AGBL4: variants seen among roughly 807,000 people sequenced by gnomAD.
AGBL4 encodes the protein AGBL carboxypeptidase 4.
AGBL4 carries 58 observed loss-of-function variants against 66.4 expected under a neutral mutation model. The ratio of observed to expected loss-of-function variants is 0.87; its 90% CI spans 0.71 to 1.09. The LOEUF (loss-of-function observed/expected upper bound fraction) is 1.09. AGBL4 is among the 50% of genes least tolerant of loss of function. The probability of loss-of-function intolerance (pLI) is 0.00; values close to 1 mark genes in which losing one functional copy is unlikely to be tolerated. For synonymous variants in AGBL4, 234 were observed against 222.9 expected, an observed-to-expected ratio of 1.05 and a Z score of -0.44; for missense variants, 579 against 631.0, an observed-to-expected ratio of 0.92 and a Z score of 0.88.
Position 49,441,825 on chromosome 1 carries a change from C to A in AGBL4, c.283-195961G>T, listed in dbSNP as rs187603963. ...ATAGGATGACCTGTTCTGTGGACAC[C>A]ACTCAGCCTCTCTCCCCAGTCACCC... On this transcript the variant is annotated intron_variant, in intron 3 of 13. Transcript: ENST00000371839. Among the ~76,000 whole-genome samples, 64 of 152,248 alleles carry A rather than the reference C, an allele frequency of 4.2e-4. No homozygotes were observed. In the East Asian group the frequency reaches 0.012, roughly 28 times the overall value.
At chr1:49,369,960 C>T (rs542261942) in intron 3 of AGBL4, among the ~76,000 whole-genome samples, 1 of 151,368 alleles carries the variant, frequency 6.6e-6, no homozygotes, top group East Asian at 1.9e-4. Flanking sequence ...AAAATACCAC[C>T]CTCCTTGAGC....
chr1:49,011,523 A>T (rs1331558845), intron 5 of AGBL4, among the ~76,000 whole-genome samples: 1 of 152,198 alleles, frequency 6.6e-6, no homozygotes, highest in African/African-American at 2.4e-5. Flanking sequence ...CTGCCATCCC[A>T]TTACTGGGTA....
chr1:49,147,118 G>A (rs1189954011), intron 4 of AGBL4, among the ~76,000 whole-genome samples: 1 of 152,144 alleles, frequency 6.6e-6, no homozygotes, highest in Non-Finnish European at 1.5e-5. Flanking sequence ...AAGGTGGTGG[G>A]GTGGGGGAGG....
intron 8 of AGBL4, among the ~76,000 whole-genome samples, chr1:48,644,709 G>T (rs1645807999): frequency 6.6e-6 from 1 of 152,214 alleles, no homozygotes; most frequent in Non-Finnish European, 1.5e-5. Flanking sequence ...GAAGGGGCAA[G>T]GTGGACAGTT....
chr1:49,112,386 G>A (rs769762831), intron 4 of AGBL4, among the ~76,000 whole-genome samples: 1 of 152,230 alleles, frequency 6.6e-6, no homozygotes, highest in Non-Finnish European at 1.5e-5. Flanking sequence ...TTGCCTTCAT[G>A]TTCACGGCTA....
At position 48,626,191 on chromosome 1, in the gene AGBL4, T is replaced by C. The variant is rs376263094; in HGVS notation, c.951+8302A>G. Among the ~76,000 whole-genome samples the C allele has an allele frequency of 3.5e-4, 53 of 152,318 alleles. 1 individual carries two copies. The highest frequency in any genetic ancestry group is 1.1e-3 in the African/African-American group (47 of 41,574). On this transcript the variant is annotated intron_variant, in intron 9 of 13. Coordinates refer to ENST00000371839, the MANE Select transcript of AGBL4 (RefSeq NM_032785.4). The stretch of plus-strand genomic sequence containing the variant: ...CATGGTGCTGGTGTGGGTGCTTTAA[T>C]CTATCCCTCATGGCACCTCCAGCAG...
chr1:49,020,442 A>C (rs1663160239), intron 5 of AGBL4, among the ~76,000 whole-genome samples: 1 of 152,196 alleles, frequency 6.6e-6, no homozygotes. Flanking sequence ...CTAAAAGGAA[A>C]TAAGCAGAAA....
At position 49,802,862 on chromosome 1, in the gene AGBL4, T is replaced by A. The variant is rs576654252; in HGVS notation, c.157+48534A>T. On this transcript the variant is annotated intron_variant, in intron 2 of 13. Transcript: ENST00000371839. ...GGCTGCTGGCCAGATCCCACAATAA[T>A]CTTCTACCAATATGTCTGCTGATTT... Among the ~76,000 whole-genome samples the A allele has an allele frequency of 3.9e-5, 6 of 152,302 alleles. No individual in the cohort carries two copies. The East Asian group carries it at 1.2e-3, about 29-fold the overall frequency.
At position 48,535,372 on chromosome 1, in the gene AGBL4, G is replaced by A. The variant is rs372921342; in HGVS notation, c.1365-456C>T. Reference sequence around the variant, plus strand: ...CCTCCCCCATCCCCAGGCCTTTGTAGCACTTTGTACATTTCATCGCTCCTC... The same window carrying A: ...CCTCCCCCATCCCCAGGCCTTTGTAACACTTTGTACATTTCATCGCTCCTC... On this transcript the variant is annotated intron_variant, in intron 12 of 13. Transcript: ENST00000371839. 1.4e-4 allele frequency among the ~76,000 whole-genome samples: 21 copies of A among 152,222 alleles called. No individual in the cohort carries two copies. In the East Asian group the frequency reaches 1.5e-3, roughly 11 times the overall value.
chr1:48,601,038 T>C (rs774441967), intron 9 of AGBL4, among the ~76,000 whole-genome samples: 2 of 152,118 alleles, frequency 1.3e-5, no homozygotes, highest in Admixed American at 6.5e-5. Context: ...TAATAGACCT[T>C]CCCAGGGCAA....
chr1:48,961,549 A>G (rs1657977917), intron 5 of AGBL4, among the ~76,000 whole-genome samples: 1 of 152,110 alleles, frequency 6.6e-6, no homozygotes. Flanking sequence ...CAGTAAGCTC[A>G]AGGCTGGGGA....
intron 1 of AGBL4, among the ~76,000 whole-genome samples, chr1:49,858,180 C>T (rs1208171510): frequency 2.0e-5 from 3 of 151,990 alleles, no homozygotes; most frequent in Non-Finnish European, 4.4e-5. Context: ...CATCTCACCC[C>T]AGCAGAATGA....
intron 5 of AGBL4, among the ~76,000 whole-genome samples, chr1:48,912,717 A>T (rs760000439): frequency 2.6e-5 from 4 of 152,118 alleles, no homozygotes; most frequent in African/African-American, 7.2e-5. Context: ...ATGAAACCTC[A>T]TGTCTTGTTT....
At chr1:49,719,499 C>A (rs1648425190) in intron 2 of AGBL4, among the ~76,000 whole-genome samples, 1 of 152,090 alleles carries the variant, frequency 6.6e-6, no homozygotes, top group Non-Finnish European at 1.5e-5. Flanking sequence ...CGTGGCTCAC[C>A]ATAAAAGCTG....
intron 4 of AGBL4, among the ~76,000 whole-genome samples, chr1:49,169,621 C>T (rs1646696258): frequency 2.6e-5 from 4 of 152,182 alleles, no homozygotes; most frequent in Admixed American, 2.0e-4. Context: ...CAGAAGGCAG[C>T]CCATTAAGCA....
chr1:48,633,405 T>C (rs1645621745), intron 9 of AGBL4, among the ~76,000 whole-genome samples: 1 of 152,182 alleles, frequency 6.6e-6, no homozygotes, highest in Non-Finnish European at 1.5e-5. Context: ...TGTGTGACTT[T>C]TGTTGTCTTA....
chr1:48,616,059 C>T (rs1645312889), intron 9 of AGBL4, among the ~76,000 whole-genome samples: 1 of 152,170 alleles, frequency 6.6e-6, no homozygotes, highest in Non-Finnish European at 1.5e-5. Flanking sequence ...AAGGGCCCAC[C>T]TCTCAATACA....
chr1:49,160,419 T>C (rs1189175132), intron 4 of AGBL4, among the ~76,000 whole-genome samples: 1 of 152,168 alleles, frequency 6.6e-6, no homozygotes, highest in Non-Finnish European at 1.5e-5. Context: ...TATTGCTGCC[T>C]GATCCTTCCT....
At chr1:49,187,433 C>A (rs1237181994) in intron 4 of AGBL4, 2 of 152,110 alleles carry the variant, frequency 1.3e-5, no homozygotes, top group East Asian at 1.9e-4. Context: ...GCTAATATTT[C>A]TTTTTATGAA....
Sources: allele counts gnomAD v4.1 joint callset (sites outside exome capture counted in the v4.1 genomes callset), GRCh38; gene constraint gnomAD v4.1.1; transcripts MANE v1.5; gene names NCBI Gene and HGNC (gene_info 2026-07-23, HGNC 2026-07-21).